HTT: variants seen among roughly 807,000 people sequenced by gnomAD.
HTT encodes the protein huntingtin.
Under a neutral mutation model 362.3 loss-of-function variants are expected in HTT, and 104 were observed. That is an observed-to-expected ratio of 0.29 (90% CI 0.24 to 0.34). HTT has a LOEUF of 0.34. Ranked by LOEUF, HTT falls within the 10% of genes least tolerant of loss-of-function variation. The probability of loss-of-function intolerance (pLI) is 1.00; values close to 1 mark genes in which losing one functional copy is unlikely to be tolerated. For synonymous variants in HTT, 1,577 were observed against 1,548.7 expected, an observed-to-expected ratio of 1.02 and a Z score of -0.43; for missense variants, 3,301 against 3,928.6, an observed-to-expected ratio of 0.84 and a Z score of 4.27.
At chr4:3,212,857 C>T (rs889737914) in intron 49 of HTT, 148 bp downstream of exon 49, 21 of 819,352 alleles carry the variant, frequency 2.6e-5, no homozygotes, top group African/African-American at 1.9e-4. Flanking sequence ...GTCTTGTCAC[C>T]GTCAAGTTAT....
intron 1 of HTT, among the ~76,000 whole-genome samples, chr4:3,083,011 G>GC (rs1237711403): frequency 6.6e-6 from 1 of 152,202 alleles, no homozygotes; most frequent in Non-Finnish European, 1.5e-5. Context: ...AAGGGGGCAA[G>GC]CCATGTGTAT....
At chr4:3,114,418 G>A (rs1714920078) in intron 6 of HTT, among the ~76,000 whole-genome samples, 1 of 152,238 alleles carries the variant, frequency 6.6e-6, no homozygotes, top group Admixed American at 6.5e-5. Context: ...GAGGTCTCGT[G>A]TAAATTCCCT....
rs185279244 is a variant in HTT at position 3,211,060 on chromosome 4, C to T, written c.6415-869C>T. 8.6e-3 allele frequency among the ~76,000 whole-genome samples: 1,301 copies of T among 152,106 alleles called. 11 individuals are homozygous for T. Among genetic ancestry groups the T allele is most frequent in the Non-Finnish European group, 0.015 (1,030 of 67,988 alleles). On this transcript the variant is annotated intron_variant, in intron 47 of 66. Transcript: ENST00000355072. Reference sequence around the variant, plus strand: ...TGGTATTAACAGGCATGCACCACCACGCCCGGCTAATTTTTGTATTTTTAG... The same window carrying T: ...TGGTATTAACAGGCATGCACCACCATGCCCGGCTAATTTTTGTATTTTTAG...
intron 12 of HTT, chr4:3,129,348 T>G (rs1396589860): frequency 2.0e-5 from 3 of 153,246 alleles, no homozygotes; most frequent in African/African-American, 7.2e-5. Context: ...AATAGTATAG[T>G]AGTTAACAAA....
At chr4:3,107,695 C>T (rs891970487) in intron 6 of HTT, among the ~76,000 whole-genome samples, 4 of 152,140 alleles carry the variant, frequency 2.6e-5, no homozygotes, top group Admixed American at 1.3e-4. Context: ...TTGTTTTCGG[C>T]GTACTAGAGT....
In HTT at chr4:3,223,621, C is replaced by T. The variant is rs775731809; in HGVS notation, c.7625+61C>T. 48 of 1,416,984 alleles carry T rather than the reference C, an allele frequency of 3.4e-5. No individual in the cohort carries two copies. In the East Asian group the frequency reaches 7.8e-4, roughly 23 times the overall value. 87.8% of individuals were successfully genotyped at this position (1,416,984 alleles called of 1,614,324 possible). ...CAGGTGCTGGGGACAGTGGGTTCCC[C>T]GCTGAAGCGTCCAGCAGCTTCAACC... On this transcript the variant is annotated intron_variant, in intron 55 of 66. Transcript: ENST00000355072.
At chr4:3,112,158 T>G (rs951372514) in intron 6 of HTT, among the ~76,000 whole-genome samples, 1 of 152,214 alleles carries the variant, frequency 6.6e-6, no homozygotes, top group African/African-American at 2.4e-5. Flanking sequence ...GGTTTCTGGG[T>G]AGCAGAGCTT....
chr4:3,212,091 G>A lies in HTT; in HGVS notation c.6577G>A (p.Glu2193Lys), dbSNP rs200008242. The change falls in exon 48 of 67, where the codon GAG becomes AAG. Residue 2193 changes from glutamate to lysine, a missense_variant. Physicochemically the swap from Glu to Lys is moderately conservative, Grantham distance 56 (BLOSUM62 1). Around this residue, in one of 4 missense-constraint regions of HTT, gnomAD observed 220 missense variants for 218.5 expected, o/e 1.01. Coordinates refer to ENST00000355072, the MANE Select transcript of HTT (RefSeq NM_001388492.1). ...TGCTGTCCATCATGTCTTCCAGCCC[G>A]AGCTGCCTGCAGAGCCGGCGGCCTA... ...LPAVHHVFQP[E>K]LPAEPAAYWS... 27 of 1,614,056 alleles carry A rather than the reference G, an allele frequency of 1.7e-5. No homozygotes were observed. The highest frequency in any genetic ancestry group is 1.9e-5 in the Non-Finnish European group (22 of 1,179,892).
At chr4:3,075,642 C>G (rs1230993731) in intron 1 of HTT, among the ~76,000 whole-genome samples, 9 of 7,494 alleles carry the variant, frequency 1.2e-3, no homozygotes, top group Admixed American at 2.2e-3. Flanking sequence ...GCGGGAGTGG[C>G]GGGGCAGGGG....
intron 56 of HTT, among the ~76,000 whole-genome samples, chr4:3,225,170 G>A (rs1049896288): frequency 6.6e-6 from 1 of 151,938 alleles, no homozygotes; most frequent in African/African-American, 2.4e-5. Context: ...GGTGTGAAAG[G>A]TTAAGTGGGG....
chr4:3,120,605 T>C (rs1272302420), intron 8 of HTT, among the ~76,000 whole-genome samples: 1 of 152,220 alleles, frequency 6.6e-6, no homozygotes, highest in African/African-American at 2.4e-5. Flanking sequence ...TAGATTCCCA[T>C]AGGAGTGCAA....
At chr4:3,201,092 G>A (rs1468126644) in intron 41 of HTT, among the ~76,000 whole-genome samples, 1 of 152,232 alleles carries the variant, frequency 6.6e-6, no homozygotes, top group African/African-American at 2.4e-5. Context: ...TTGGAATTCA[G>A]CAAGCGTCTT....
intron 30 of HTT, 31 bp from the exon 31 acceptor site, chr4:3,172,877 C>T (rs747378586): frequency 1.2e-5 from 18 of 1,456,004 alleles, no homozygotes; most frequent in Non-Finnish European, 1.7e-5. Flanking sequence ...GTTCACGCCA[C>T]ATTGTTGATG....
rs755076734 is a variant in HTT, at chr4:3,229,109, GCACA to G, written c.8109+106_8109+109del. On this transcript the variant is annotated intron_variant, in intron 59 of 66. Transcript: ENST00000355072. ...CACACCGCCCACACACATGCCACTT[GCACA>G]CACACCCCTCATGCATGCAACACAC... 4.9e-5 allele frequency: 57 copies of G among 1,173,308 alleles called. No homozygotes were observed. In the East Asian group the frequency reaches 1.4e-3, roughly 29 times the overall value. 72.7% of individuals were successfully genotyped at this position (1,173,308 alleles called of 1,614,324 possible). A position where few individuals can be genotyped will look rare whatever the true frequency, so the allele number is the denominator to read the frequency against.
chr4:3,096,831 C>T lies in HTT; in HGVS notation c.348-2443C>T, dbSNP rs112239099. 1.8e-3 allele frequency among the ~76,000 whole-genome samples: 278 copies of T among 152,280 alleles called. 1 individual carries two copies. The highest frequency in any genetic ancestry group is 6.4e-3 in the African/African-American group (267 of 41,540). Reference sequence around the variant, plus strand: ...ACAAGCAAATGGAATCCAGAGTTACCAGAAGGGCCAGGTACGGTGGCTTAT... The same window carrying T: ...ACAAGCAAATGGAATCCAGAGTTACTAGAAGGGCCAGGTACGGTGGCTTAT... On this transcript the variant is annotated intron_variant, in intron 2 of 66. Coordinates refer to ENST00000355072, the MANE Select transcript of HTT (RefSeq NM_001388492.1).
At chr4:3,090,430 C>A (rs1713439225) in intron 2 of HTT, among the ~76,000 whole-genome samples, 1 of 152,124 alleles carries the variant, frequency 6.6e-6, no homozygotes, top group African/African-American at 2.4e-5. Flanking sequence ...CTTGGGAATA[C>A]CCAGGAATGC....
intron 36 of HTT, among the ~76,000 whole-genome samples, chr4:3,181,897 C>G (rs937971367): frequency 6.6e-6 from 1 of 152,074 alleles, no homozygotes; most frequent in African/African-American, 2.4e-5. Context: ...CCATGTATAC[C>G]TCTGGGAAGC....
At chr4:3,217,390 C>T (rs910735187) in intron 51 of HTT, among the ~76,000 whole-genome samples, 6 of 152,290 alleles carry the variant, frequency 3.9e-5, no homozygotes, top group Admixed American at 6.5e-5. Context: ...GGGACAGACA[C>T]AGGTCCTGGG....
Position 3,230,015 on chromosome 4 carries a change from C to T in HTT, c.8238C>T (p.Thr2746=). 6.2e-7 allele frequency: 1 copy of T among 1,613,968 alleles called. No individual in the cohort carries two copies. The highest frequency in any genetic ancestry group is 8.5e-7 in the Non-Finnish European group (1 of 1,179,834). ...TCGCTCAGTACCTGGTGCCTGCCAC[C>T]TGCAAGGCAGCTGCCGTCCTTGGGA... ...EILAQYLVPA[T]CKAAAVLGMD... The change falls in exon 60 of 67, where the codon ACC becomes ACT. Residue 2746 remains threonine, a synonymous_variant. Transcript: ENST00000355072.
Sources: allele counts gnomAD v4.1 joint callset (sites outside exome capture counted in the v4.1 genomes callset), GRCh38; gene constraint gnomAD v4.1.1; regional missense constraint gnomAD v4.1.1; transcripts MANE v1.5; gene names NCBI Gene and HGNC (gene_info 2026-07-23, HGNC 2026-07-21).